Variants in LGMN observed in about 807,000 individuals in gnomAD.
LGMN encodes legumain, also known as asparaginyl endopeptidase.
In LGMN, 36 loss-of-function variants were observed where a neutral mutation model predicts 56.8. The ratio of observed to expected loss-of-function variants is 0.63; its 90% CI spans 0.49 to 0.84. LGMN has a LOEUF of 0.84. Among genes scored for constraint, LGMN ranks in the 40% least tolerant of loss-of-function variants. The pLI is 0.00. For missense variants in LGMN, 446 were observed against 556.1 expected, an observed-to-expected ratio of 0.80 and a Z score of 1.99; for synonymous variants, 199 against 210.1, an observed-to-expected ratio of 0.95 and a Z score of 0.46.
In LGMN at chr14:92,719,167, A is replaced by G. The variant is rs868543286; in HGVS notation, c.139-323T>C. On this transcript the variant is annotated intron_variant, in intron 2 of 13. Coordinates refer to ENST00000334869, the MANE Select transcript of LGMN (RefSeq NM_005606.7). ...CACCACCACCGCCACTGCCACCACC[A>G]CCACCACCACCACCATCACCACCAC... is the stretch of plus-strand genomic sequence containing the variant. Among the ~76,000 whole-genome samples the G allele has an allele frequency of 5.4e-4, 49 of 91,062 alleles. 1 individual carries two copies. Among genetic ancestry groups the G allele is most frequent in the African/African-American group, 1.6e-3 (31 of 19,148 alleles). 59.7% of individuals were successfully genotyped at this position (91,062 alleles called of 152,430 possible).
At chr14:92,709,932 CAGAGAGAGAGGG>C (rs923001165) in intron 10 of LGMN, 60 bp from the exon 11 acceptor site, 13 of 1,396,224 alleles carry the variant, frequency 9.3e-6, no homozygotes, top group African/African-American at 5.7e-5. Flanking sequence ...GAGAGAAGGC[CAGAGAGAGAGGG>C]AGAGAGAGAG....
At chr14:92,745,843 G>A (rs929673839) in intron 1 of LGMN, among the ~76,000 whole-genome samples, 30 of 149,250 alleles carry the variant, frequency 2.0e-4, no homozygotes, top group African/African-American at 7.2e-4. Flanking sequence ...TTTTTTTTGA[G>A]ATGGCATGTC....
At position 92,704,692 on chromosome 14, in the gene LGMN, T is replaced by C. The variant is rs1889336340; in HGVS notation, c.1207A>G (p.Arg403Gly). The change falls in exon 13 of 14, where the codon AGA becomes GGA. Residue 403 changes from arginine (R) to glycine (G), a missense_variant. By Grantham distance (125) the Arg-to-Gly change is moderately radical. Coordinates refer to ENST00000334869, the MANE Select transcript of LGMN (RefSeq NM_005606.7). ...WHSPTYEYAL[R>G]HLYVLVNLCE... is the part of the protein sequence containing the mutation. ...AGGTTGACCAGCACGTACAAATGTC[T>C]CAACGCATACTCGTACTGGGAGAAA... 1 of 1,613,398 alleles carries C rather than the reference T, an allele frequency of 6.2e-7. No individual in the cohort carries two copies. Among genetic ancestry groups the C allele is most frequent in the African/African-American group, 1.3e-5 (1 of 75,032 alleles).
intron 1 of LGMN, among the ~76,000 whole-genome samples, chr14:92,738,028 G>A (rs1027459373): frequency 6.6e-6 from 1 of 152,084 alleles, no homozygotes; most frequent in Admixed American, 6.5e-5. Flanking sequence ...TTCCTCTGGG[G>A]GCAATGGTGT....
chr14:92,713,919 C>T (rs758061805), intron 6 of LGMN, 34 bp from the exon 7 acceptor site: 1 of 1,513,732 alleles, frequency 6.6e-7, no homozygotes, highest in Non-Finnish European at 9.2e-7. Context: ...ACCAACACAT[C>T]AAGAGAAACT....
chr14:92,746,952 C>G (rs898185795), intron 1 of LGMN, among the ~76,000 whole-genome samples: 4 of 147,012 alleles, frequency 2.7e-5, no homozygotes, highest in African/African-American at 5.1e-5. Context: ...AGGAGAATGG[C>G]GTGGACCTGG....
intron 2 of LGMN, among the ~76,000 whole-genome samples, chr14:92,727,460 G>A (rs901997078): frequency 6.7e-6 from 1 of 150,096 alleles, no homozygotes; most frequent in Non-Finnish European, 1.5e-5. Context: ...AAAGGACCTG[G>A]GTTTGAGATA....
At chr14:92,733,788 CA>C (rs1490955345) in intron 1 of LGMN, 20 of 151,952 alleles carry the variant, frequency 1.3e-4, no homozygotes, top group African/African-American at 4.8e-4. Context: ...GCCTAGGTGG[CA>C]GAGTGAGACT....
chr14:92,735,217 C>CT (rs1245020297), intron 1 of LGMN, among the ~76,000 whole-genome samples: 8 of 151,946 alleles, frequency 5.3e-5, no homozygotes, highest in African/African-American at 1.5e-4. Flanking sequence ...GACTGCATTT[C>CT]TTTTTTTGAG....
At chr14:92,731,477 G>C (rs1221649809) in intron 2 of LGMN, among the ~76,000 whole-genome samples, 4 of 152,100 alleles carry the variant, frequency 2.6e-5, no homozygotes, top group Non-Finnish European at 5.9e-5. Flanking sequence ...CCTTCACCCA[G>C]CCCTTGGCAA....
intron 2 of LGMN, among the ~76,000 whole-genome samples, chr14:92,729,469 C>CA (rs201520339): frequency 6.8e-5 from 4 of 58,602 alleles, no homozygotes; most frequent in Non-Finnish European, 1.1e-4. Context: ...CAGATCACGC[C>CA]CCCCCCCCCC....
In LGMN at chr14:92,732,802, T is replaced by G. The variant is rs145591815; in HGVS notation, c.-16A>C. 180 of 1,611,104 alleles carry G rather than the reference T, an allele frequency of 1.1e-4. No individual in the cohort carries two copies. The African/African-American group carries it at 1.8e-3, about 16-fold the overall frequency. On this transcript the variant is annotated 5_prime_UTR_variant, in exon 2 of 14. Coordinates refer to ENST00000334869, the MANE Select transcript of LGMN (RefSeq NM_005606.7). ...TCCAAACCATTCTGCACCTTGGAGT[T>G]CAATTGCAGACACCTGAGAAGGGAA...
At chr14:92,704,420 A>G (rs2140195049) in intron 13 of LGMN, 59 bp from the exon 14 acceptor site, 1 of 1,406,374 alleles carries the variant, frequency 7.1e-7, no homozygotes, top group East Asian at 2.3e-5. Context: ...AAAGGCAGAC[A>G]AACGCAAACC....
Position 92,706,898 on chromosome 14 carries a change from A to G in LGMN, c.1021-245T>C, listed in dbSNP as rs1250148549. On this transcript the variant is annotated intron_variant, in intron 11 of 13. Transcript: ENST00000334869. The stretch of plus-strand genomic sequence containing the variant: ...ATGATGCAAACATTTGTATCAAAAA[A>G]CAACCTTTGCTGTGGAGAAAGGAGG... 1.3e-5 allele frequency among the ~76,000 whole-genome samples: 2 copies of G among 152,176 alleles called. 1 individual carries two copies. The highest frequency in any genetic ancestry group is 3.8e-4 in the East Asian group (2 of 5,200).
chr14:92,706,778 G>A, intron 11 of LGMN, 125 bp from the exon 12 acceptor site: 1 of 839,538 alleles, frequency 1.2e-6, no homozygotes, highest in East Asian at 3.1e-5. Context: ...GCAGGTTAGA[G>A]GAAATAACAA....
intron 2 of LGMN, 46 bp downstream of exon 2, chr14:92,732,603 A>C (rs1891105264): frequency 6.3e-7 from 1 of 1,597,562 alleles, no homozygotes; most frequent in East Asian, 2.2e-5. Context: ...AATTGTTTTC[A>C]GAATGCCAGT....
At position 92,714,526 on chromosome 14, in the gene LGMN, A is replaced by C; in HGVS notation, c.405-75T>G. Reference sequence around the variant, plus strand: ...TCTATTTCTCTGAAAAGCTGCCCTAATCAAAAAATTAAGAAGTTTGGGGAG... The same window carrying C: ...TCTATTTCTCTGAAAAGCTGCCCTACTCAAAAAATTAAGAAGTTTGGGGAG... On this transcript the variant is annotated intron_variant, in intron 5 of 13. Coordinates refer to ENST00000334869, the MANE Select transcript of LGMN (RefSeq NM_005606.7). The surrounding 1 kb of genome is among the most constrained non-coding windows in gnomAD (Gnocchi z 5.1). 1.8e-6 allele frequency: 2 copies of C among 1,135,552 alleles called. No homozygotes were observed. Among genetic ancestry groups the C allele is most frequent in the Non-Finnish European group, 2.6e-6 (2 of 771,168 alleles). The allele number at this position is 1,135,552 out of a possible 1,614,324, so 70.3% of individuals were successfully genotyped here.
At chr14:92,729,386 C>G (rs527501225) in intron 2 of LGMN, among the ~76,000 whole-genome samples, 1 of 148,104 alleles carries the variant, frequency 6.8e-6, no homozygotes, top group Non-Finnish European at 1.5e-5. Flanking sequence ...TCTGATTCCA[C>G]GACTTCCAAA....
Position 92,704,707 on chromosome 14 carries a change from A to G in LGMN, c.1192T>C (p.Tyr398His), listed in dbSNP as rs1477374421. ...THCFNWHSPT[Y>H]EYALRHLYVL... ...TACAAATGTCTCAACGCATACTCGT[A>G]CTGGGAGAAAACAAACGAGAAGAAT... Residue 398 changes from tyrosine (Y) to histidine (H), a missense_variant and splice_region_variant, in exon 13 of 14, where the codon TAC (tyrosine) becomes CAC (histidine). Coordinates refer to ENST00000334869, the MANE Select transcript of LGMN (RefSeq NM_005606.7). 1 of 1,612,180 alleles carries G rather than the reference A, an allele frequency of 6.2e-7. No homozygotes were observed. The highest frequency in any genetic ancestry group is 1.1e-5 in the South Asian group (1 of 91,056).
Sources: allele counts gnomAD v4.1 joint callset (sites outside exome capture counted in the v4.1 genomes callset), GRCh38; gene constraint gnomAD v4.1.1; non-coding constraint Gnocchi (gnomAD v3.1); transcripts MANE v1.5; gene names NCBI Gene and HGNC (gene_info 2026-07-23, HGNC 2026-07-21).